Variants in LMNTD1 observed in about 807,000 individuals in gnomAD.
LMNTD1 encodes lamin tail domain containing 1, also known as lamin tail domain-containing protein 1.
LMNTD1 carries 35 observed loss-of-function variants against 50.9 expected under a neutral mutation model. The ratio of observed to expected loss-of-function variants is 0.69; its 90% CI spans 0.53 to 0.91. The LOEUF (loss-of-function observed/expected upper bound fraction) is 0.91. LMNTD1 is among the 40% of genes least tolerant of loss of function. LMNTD1 has a pLI of 0.00. For missense variants in LMNTD1, 470 were observed against 475.5 expected, an observed-to-expected ratio of 0.99 and a Z score of 0.11; for synonymous variants, 153 against 161.9, an observed-to-expected ratio of 0.94 and a Z score of 0.42.
At chr12:25,581,612 G>A (rs951053061) in intron 1 of LMNTD1, among the ~76,000 whole-genome samples, 2 of 152,162 alleles carry the variant, frequency 1.3e-5, no homozygotes, top group Non-Finnish European at 2.9e-5. Flanking sequence ...ATATTATAAA[G>A]AGTTAAATCT....
In LMNTD1 at chr12:25,533,241, C is replaced by G. The variant is rs1942345199; in HGVS notation, c.492-6286G>C. Among the ~76,000 whole-genome samples, 3 of 152,076 alleles carry G rather than the reference C, an allele frequency of 2.0e-5. 1 individual carries two copies. In the South Asian group the frequency reaches 6.2e-4, roughly 31 times the overall value. ...CACAGCCTTTAGTAGTTATCTTTTT[C>G]TCTTCCCTGCCAGCCTTCCCATTTA... On this transcript the variant is annotated intron_variant, in intron 4 of 9. Coordinates refer to ENST00000458174, the MANE Select transcript of LMNTD1 (RefSeq NM_001145728.2).
chr12:25,547,926 A>G (rs1396609894), intron 3 of LMNTD1, among the ~76,000 whole-genome samples: 1 of 151,942 alleles, frequency 6.6e-6, no homozygotes, highest in East Asian at 1.9e-4. Flanking sequence ...CTACATCCCA[A>G]TTCAGCTCCC....
chr12:25,567,388 T>C (rs567902212), intron 1 of LMNTD1, among the ~76,000 whole-genome samples: 1 of 152,346 alleles, frequency 6.6e-6, no homozygotes, highest in Non-Finnish European at 1.5e-5. Context: ...AGTGAGTAAA[T>C]ACTATTACAC....
In LMNTD1 at chr12:25,573,410, T is replaced by C. The variant is rs151166049; in HGVS notation, c.59-26856A>G. ...AATGAGAATTCAGGCTGGCAGGAGA[T>C]GTCAGCTACTTTGCCTATGAACAAA... is the stretch of plus-strand genomic sequence containing the variant. On this transcript the variant is annotated intron_variant, in intron 1 of 7. Coordinates refer to the LMNTD1 transcript ENST00000445693. Among the ~76,000 whole-genome samples the C allele has an allele frequency of 3.8e-3, 580 of 152,286 alleles. 2 individuals are homozygous for C. The highest frequency in any genetic ancestry group is 6.8e-3 in the Non-Finnish European group (461 of 68,012).
At chr12:25,575,438 C>A (rs1230984844) in intron 1 of LMNTD1, among the ~76,000 whole-genome samples, 1 of 152,090 alleles carries the variant, frequency 6.6e-6, no homozygotes, top group Admixed American at 6.5e-5. Context: ...AGATTCATTC[C>A]AGGGCAACAG....
intron 1 of LMNTD1, chr12:25,586,195 T>G (rs1205576282): frequency 2.7e-5 from 4 of 150,734 alleles, no homozygotes; most frequent in African/African-American, 7.3e-5. Flanking sequence ...TTAATATTTG[T>G]TTTTTTTTCC....
rs61347000 is a variant in LMNTD1 at position 25,527,640 on chromosome 12, CTATATATATATATATATATATA to C, written c.492-707_492-686del. Among the ~76,000 whole-genome samples the C allele has an allele frequency of 4.2e-3, 261 of 61,732 alleles. 5 individuals are homozygous for C. Among genetic ancestry groups the C allele is most frequent in the African/African-American group, 0.014 (228 of 16,012 alleles). 40.5% of individuals were successfully genotyped at this position (61,732 alleles called of 152,430 possible). ...CTTATATGCCAGGCACTTAATAACA[CTATATATATATATATATATATA>C]TATATATATATATATATATACACAC... On this transcript the variant is annotated intron_variant, in intron 4 of 9. Coordinates refer to ENST00000458174, the MANE Select transcript of LMNTD1 (RefSeq NM_001145728.2).
intron 9 of LMNTD1, among the ~76,000 whole-genome samples, chr12:25,500,521 C>T (rs367734008): frequency 6.6e-6 from 1 of 152,214 alleles, no homozygotes; most frequent in South Asian, 2.1e-4. Context: ...TGTGTAAGAG[C>T]GTTTACTGGT....
intron 9 of LMNTD1, among the ~76,000 whole-genome samples, chr12:25,498,648 T>G (rs1939205000): frequency 6.6e-6 from 1 of 152,216 alleles, no homozygotes; most frequent in Non-Finnish European, 1.5e-5. Context: ...CTGTGCTGGT[T>G]TTGCTTTTGA....
At chr12:25,527,841 C>G (rs953984466) in intron 4 of LMNTD1, among the ~76,000 whole-genome samples, 1 of 150,392 alleles carries the variant, frequency 6.6e-6, no homozygotes, top group Non-Finnish European at 1.5e-5. Flanking sequence ...ATCCAAAAAG[C>G]TCTGAAAAAG....
Position 25,573,743 on chromosome 12 carries a change from G to A in LMNTD1, c.59-27189C>T, listed in dbSNP as rs140224526. On this transcript the variant is annotated intron_variant, in intron 1 of 7. Transcript: ENST00000445693. Reference sequence around the variant, plus strand: ...TTAGCCTAAATCAATCCTTTTCCTCGCGGCTTGATTTTGATCTTTCACTTT... The same window carrying A: ...TTAGCCTAAATCAATCCTTTTCCTCACGGCTTGATTTTGATCTTTCACTTT... Among the ~76,000 whole-genome samples the A allele has an allele frequency of 7.3e-4, 111 of 152,186 alleles. No individual in the cohort carries two copies. In the East Asian group the frequency reaches 0.011, roughly 15 times the overall value.
At chr12:25,507,150 A>G (rs1939855910) in intron 8 of LMNTD1, among the ~76,000 whole-genome samples, 1 of 152,166 alleles carries the variant, frequency 6.6e-6, no homozygotes, top group South Asian at 2.1e-4. Context: ...TGCTGGGATT[A>G]CAGGTGTGAG....
At chr12:25,537,743 G>C (rs1942714521) in intron 4 of LMNTD1, among the ~76,000 whole-genome samples, 1 of 152,230 alleles carries the variant, frequency 6.6e-6, no homozygotes, top group Non-Finnish European at 1.5e-5. Flanking sequence ...GACGAGCTGA[G>C]AGAAGAAGGC....
intron 9 of LMNTD1, among the ~76,000 whole-genome samples, chr12:25,488,182 C>A (rs1416052416): frequency 7.1e-6 from 1 of 141,452 alleles, no homozygotes; most frequent in African/African-American, 2.5e-5. Flanking sequence ...GTTGGCCTGC[C>A]TTGCTAGATT....
At chr12:25,503,261 G>A (rs1053991983) in intron 9 of LMNTD1, among the ~76,000 whole-genome samples, 13 of 152,098 alleles carry the variant, frequency 8.5e-5, no homozygotes, top group Non-Finnish European at 1.3e-4. Context: ...TGATATCATC[G>A]TGAAAAAGAG....
At chr12:25,497,791 C>G (rs1414547676) in intron 9 of LMNTD1, 1 of 139,550 alleles carries the variant, frequency 7.2e-6, no homozygotes, top group Non-Finnish European at 1.6e-5. Flanking sequence ...GAGTGAGACT[C>G]CATCTGAAAA....
chr12:25,556,876 G>A (rs556066802), upstream of LMNTD1, among the ~76,000 whole-genome samples: 5 of 152,340 alleles, frequency 3.3e-5, no homozygotes, highest in East Asian at 7.7e-4. Context: ...TCCACATGTG[G>A]AGAAGATTTG....
At chr12:25,647,633 A>G (rs1947102831) in intron 1 of LMNTD1, among the ~76,000 whole-genome samples, 1 of 152,274 alleles carries the variant, frequency 6.6e-6, no homozygotes, top group Non-Finnish European at 1.5e-5. Flanking sequence ...TTTTATCTCT[A>G]GCATGTTGCA....
At chr12:25,548,485 A>G (rs1280929442) in intron 3 of LMNTD1, among the ~76,000 whole-genome samples, 1 of 151,918 alleles carries the variant, frequency 6.6e-6, no homozygotes, top group Non-Finnish European at 1.5e-5. Flanking sequence ...TTCATAACTA[A>G]TGTTTATTGA....
Sources: allele counts gnomAD v4.1 joint callset (sites outside exome capture counted in the v4.1 genomes callset), GRCh38; gene constraint gnomAD v4.1.1; transcripts MANE v1.5; gene names NCBI Gene and HGNC (gene_info 2026-07-23, HGNC 2026-07-21).